Variants in COL7A1 observed in about 807,000 individuals in gnomAD.
COL7A1 encodes the protein collagen type VII alpha 1 chain.
In COL7A1, 296 loss-of-function variants were observed where a neutral mutation model predicts 456.2. The ratio of observed to expected loss-of-function variants is 0.65; its 90% CI spans 0.59 to 0.71. The LOEUF is 0.71. COL7A1 is among the 30% of genes least tolerant of loss of function. The probability of loss-of-function intolerance (pLI) is 0.00; values close to 1 mark genes in which losing one functional copy is unlikely to be tolerated. For synonymous variants in COL7A1, 1,464 were observed against 1,525.9 expected (o/e 0.96, Z 0.95); for missense variants, 3,441 against 4,017.2 (o/e 0.86, Z 3.88).
chr3:48,565,211 G>C lies in COL7A1; in HGVS notation c.8528-10C>G, dbSNP rs2043548811. 2 of 1,611,244 alleles carry C rather than the reference G, an allele frequency of 1.2e-6. No homozygotes were observed. The highest frequency in any genetic ancestry group is 1.7e-6 in the Non-Finnish European group (2 of 1,178,098). The stretch of plus-strand genomic sequence containing the variant: ...TCAGGGGGTACCCGCTCTGCAGGTA[G>C]GGCAGGGTGTGCTGGGAGCAGTGGC... On this transcript the variant is annotated splice_polypyrimidine_tract_variant and intron_variant, in intron 116 of 118. Transcript: ENST00000681320. The surrounding 1 kb of genome is among the most constrained non-coding windows in gnomAD (Gnocchi z 4.5).
intron 36 of COL7A1, 50 bp from the exon 37 acceptor site, chr3:48,584,425 G>A (rs372565695): frequency 4.2e-5 from 67 of 1,612,604 alleles, no homozygotes; most frequent in South Asian, 6.6e-5. Flanking sequence ...CCTCACTCTC[G>A]CCCCCCTCGT....
At position 48,591,805 on chromosome 3, in the gene COL7A1, T is replaced by C; in HGVS notation, c.1375A>G (p.Lys459Glu). The C allele has an allele frequency of 6.2e-7, 1 of 1,614,156 alleles. No individual in the cohort carries two copies. The highest frequency in any genetic ancestry group is 8.5e-7 in the Non-Finnish European group (1 of 1,180,026). The part of the protein sequence containing the change: ...RRETGLEPPQ[K>E]VVLPSDVTRY... ...GTCACATCAGAGGGCAGTACCACCT[T>C]CTGCGGTGGCTCCAAGCCTGCAAGA... The change falls in exon 12 of 119, where the codon AAG becomes GAG. Residue 459 changes from lysine (K) to glutamate (E), a missense_variant. Lys to Glu is a moderately conservative substitution (Grantham distance 56). Coordinates refer to ENST00000681320, the MANE Select transcript of COL7A1 (RefSeq NM_000094.4). The surrounding 1 kb of genome is among the most constrained non-coding windows in gnomAD (Gnocchi z 7.0).
chr3:48,572,075 G>C lies in COL7A1; in HGVS notation c.7024-30C>G. The C allele has an allele frequency of 2.5e-6, 4 of 1,612,974 alleles. No homozygotes were observed. The highest frequency in any genetic ancestry group is 3.4e-6 in the Non-Finnish European group (4 of 1,179,620). ...ACAGAATGGCAGGTGAGGGGTGTCT[G>C]GACTGAGCCTTCTCTGCTCAGTAGT... On this transcript the variant is annotated intron_variant, in intron 91 of 118. Coordinates refer to ENST00000681320, the MANE Select transcript of COL7A1 (RefSeq NM_000094.4). This position sits in a 1 kb window ranked among gnomAD's most constrained non-coding sequence, Gnocchi z 4.6.
chr3:48,590,867 G>T lies in COL7A1; in HGVS notation c.1637-51C>A. 6.3e-7 allele frequency: 1 copy of T among 1,598,426 alleles called. No homozygotes were observed. Reference sequence around the variant, plus strand: ...GCAGGGGTCAGAAAGAGACAGGGATGTGGGACGATGGCAGTGATGGACAGG... The same window carrying T: ...GCAGGGGTCAGAAAGAGACAGGGATTTGGGACGATGGCAGTGATGGACAGG... On this transcript the variant is annotated intron_variant, in intron 13 of 118. Transcript: ENST00000681320. The surrounding 1 kb of genome is among the most constrained non-coding windows in gnomAD (Gnocchi z 4.6).
In COL7A1 at chr3:48,569,882, T is replaced by C; in HGVS notation, c.7519A>G (p.Lys2507Glu). The change falls in exon 100 of 119, where the codon AAG becomes GAG. Residue 2507 changes from lysine (K) to glutamate (E), a missense_variant and splice_region_variant. By Grantham distance (56) the Lys-to-Glu change is moderately conservative (BLOSUM62 1). Coordinates refer to ENST00000681320, the MANE Select transcript of COL7A1 (RefSeq NM_000094.4). The surrounding 1 kb of genome is among the most constrained non-coding windows in gnomAD (Gnocchi z 4.9). ...CAGGACCTTCCCCACGTTCCTACCTTCTCCCCACGCTCTCCCCTGCTGCCA... is the reference window on the plus strand; with the variant it reads ...CAGGACCTTCCCCACGTTCCTACCTCCTCCCCACGCTCTCCCCTGCTGCCA... ...PPGSRGERGE[K>E]GDVGSAGLKG... is the part of the protein sequence containing the mutation. 1 of 1,613,960 alleles carries C rather than the reference T, an allele frequency of 6.2e-7. No homozygotes were observed. The highest frequency in any genetic ancestry group is 8.5e-7 in the Non-Finnish European group (1 of 1,179,964).
chr3:48,585,498 A>G lies in COL7A1; in HGVS notation c.3894+59T>C. 1.3e-6 allele frequency: 2 copies of G among 1,574,398 alleles called. No individual in the cohort carries two copies. The highest frequency in any genetic ancestry group is 1.1e-5 in the South Asian group (1 of 90,348). On this transcript the variant is annotated intron_variant, in intron 32 of 118. Coordinates refer to ENST00000681320, the MANE Select transcript of COL7A1 (RefSeq NM_000094.4). The surrounding 1 kb of genome is among the most constrained non-coding windows in gnomAD (Gnocchi z 4.5). ...TCTGCTTCTTCCTTCTCTCTTGTAAAAACCCCGAGACAGCTTTGAGGAGTG... is the reference window on the plus strand; with the variant it reads ...TCTGCTTCTTCCTTCTCTCTTGTAAGAACCCCGAGACAGCTTTGAGGAGTG...
intron 35 of COL7A1, 54 bp from the exon 36 acceptor site, chr3:48,584,610 G>A (rs1560244183): frequency 6.2e-7 from 1 of 1,612,592 alleles, no homozygotes; most frequent in East Asian, 2.2e-5. Flanking sequence ...CCTTGAGCTG[G>A]AAGAAGCCCC....
chr3:48,587,910 G>T lies in COL7A1; in HGVS notation c.2740C>A (p.Pro914Thr). 6.2e-7 allele frequency: 1 copy of T among 1,604,340 alleles called. No individual in the cohort carries two copies. The change falls in exon 22 of 119, where the codon CCC becomes ACC. Residue 914 changes from proline (P) to threonine (T), a missense_variant. By Grantham distance (38) the Pro-to-Thr change is conservative. Transcript: ENST00000681320. This position sits in a 1 kb window ranked among gnomAD's most constrained non-coding sequence, Gnocchi z 6.1. ...TCCAGGTGATAGCTGCTGAGCTCGG[G>T]CCCCAGGACCCGGGACTGTTCCTGG... is the stretch of plus-strand genomic sequence containing the variant. ...GGQEQSRVLGPELSSYHLDGL... is the reference protein window; with the variant it reads ...GGQEQSRVLGTELSSYHLDGL...
Position 48,576,274 on chromosome 3 carries a change from A to G in COL7A1, c.5795T>C (p.Leu1932Pro). ...CGGCACACTTCCAGGCTCTCCTCGC[A>G]GGCCACGCTCTCCAGGGAGGCCCTG... ...GEQGLPGERG[L>P]RGEPGSVPNV... The change falls in exon 71 of 119, where the codon CTG (leucine) becomes CCG (proline). Residue 1932 changes from leucine to proline, a missense_variant. This residue lies in a region of COL7A1 where 2,084 missense variants were observed against 2,501.3 expected (regional missense o/e 0.83). Transcript: ENST00000681320. 6.2e-7 allele frequency: 1 copy of G among 1,613,816 alleles called. No homozygotes were observed. The highest frequency in any genetic ancestry group is 8.5e-7 in the Non-Finnish European group (1 of 1,179,998).
rs2045948027 is a variant in COL7A1, at chr3:48,594,659, T to C, written c.86-111A>G. On this transcript the variant is annotated intron_variant, in intron 2 of 118. Coordinates refer to ENST00000681320, the MANE Select transcript of COL7A1 (RefSeq NM_000094.4). The surrounding 1 kb of genome is among the most constrained non-coding windows in gnomAD (Gnocchi z 5.5). ...GGTGGGGAGAGTAGGCCTCATCTTA[T>C]GCAAACCAGGGCCGAATCGGCCTGA... 2 of 1,330,268 alleles carry C rather than the reference T, an allele frequency of 1.5e-6. No individual in the cohort carries two copies. The highest frequency in any genetic ancestry group is 1.0e-6 in the Non-Finnish European group (1 of 970,036). The allele number at this position is 1,330,268 out of a possible 1,614,324, so 82.4% of individuals were successfully genotyped here.
At position 48,580,352 on chromosome 3, in the gene COL7A1, A is replaced by T. The variant is rs2044656680; in HGVS notation, c.5053-8T>A. ...AGATGATCCAGGGCTGCCCTGCAGAAAGGCAGGGGTCAGGGCCACTCAAGG... is the reference window on the plus strand; with the variant it reads ...AGATGATCCAGGGCTGCCCTGCAGATAGGCAGGGGTCAGGGCCACTCAAGG... On this transcript the variant is annotated splice_region_variant and splice_polypyrimidine_tract_variant and intron_variant, in intron 55 of 118. Coordinates refer to ENST00000681320, the MANE Select transcript of COL7A1 (RefSeq NM_000094.4). The surrounding 1 kb of genome is among the most constrained non-coding windows in gnomAD (Gnocchi z 4.5). 6.2e-7 allele frequency: 1 copy of T among 1,608,658 alleles called. No individual in the cohort carries two copies. Among genetic ancestry groups the T allele is most frequent in the South Asian group, 1.1e-5 (1 of 90,150 alleles).
In COL7A1 at chr3:48,564,620, A is replaced by G. The variant is rs111608544; in HGVS notation, c.8818+163T>C. The G allele has an allele frequency of 2.3e-3, 2,394 of 1,028,996 alleles. 17 individuals are homozygous for G. The Middle Eastern group carries it at 0.043, about 18-fold the overall frequency. 63.7% of individuals were successfully genotyped at this position (1,028,996 alleles called of 1,614,324 possible). A position where few individuals can be genotyped will look rare whatever the true frequency, so the allele number is the denominator to read the frequency against. ...CTGGGGGCTCCACGGCTGGGGCTCT[A>G]TATTCAGCTCTTTGGTCTGGGCGTC... On this transcript the variant is annotated intron_variant, in intron 118 of 118. Transcript: ENST00000681320. This position sits in a 1 kb window ranked among gnomAD's most constrained non-coding sequence, Gnocchi z 6.0.
At chr3:48,589,296 T>C (rs201142036) in intron 18 of COL7A1, 31 bp downstream of exon 18, 1 of 1,611,324 alleles carries the variant, frequency 6.2e-7, no homozygotes, top group East Asian at 2.2e-5. Flanking sequence ...GCTAATGCGG[T>C]GTGGCTAGTA....
Position 48,585,703 on chromosome 3 carries a change from T to C in COL7A1, c.3818A>G (p.Asp1273Gly), listed in dbSNP as rs200051107. 11 of 1,613,654 alleles carry C rather than the reference T, an allele frequency of 6.8e-6. No homozygotes were observed. Among genetic ancestry groups the C allele is most frequent in the Non-Finnish European group, 9.3e-6 (11 of 1,179,948 alleles). The change falls in exon 31 of 119, where the codon GAC (aspartate) becomes GGC (glycine). Residue 1273 changes from aspartate (D) to glycine (G), a missense_variant. By Grantham distance (94) the Asp-to-Gly change is moderately conservative. Coordinates refer to ENST00000681320, the MANE Select transcript of COL7A1 (RefSeq NM_000094.4). This position sits in a 1 kb window ranked among gnomAD's most constrained non-coding sequence, Gnocchi z 4.5. ...GGGGACACTCACCGGGAGGCCAGGGTCGCCAGGAGGCCCAACTTGTCCTCT... is the reference window on the plus strand; with the variant it reads ...GGGGACACTCACCGGGAGGCCAGGGCCGCCAGGAGGCCCAACTTGTCCTCT... ...GLRGQVGPPGDPGLPGRTGAP... is the reference protein window; with the variant it reads ...GLRGQVGPPGGPGLPGRTGAP...
chr3:48,564,428 G>C lies in COL7A1; in HGVS notation c.8819-6C>G. 3.7e-6 allele frequency: 6 copies of C among 1,614,056 alleles called. No individual in the cohort carries two copies. Among genetic ancestry groups the C allele is most frequent in the Non-Finnish European group, 5.1e-6 (6 of 1,179,952 alleles). On this transcript the variant is annotated splice_polypyrimidine_tract_variant and splice_region_variant and intron_variant, in intron 118 of 118. Coordinates refer to ENST00000681320, the MANE Select transcript of COL7A1 (RefSeq NM_000094.4). This position sits in a 1 kb window ranked among gnomAD's most constrained non-coding sequence, Gnocchi z 6.0. ...GCCTCAGTCCTGGGCAGTACCTGGT[G>C]AGGACAGGTTGGAAACGGTCGTCAG...
At position 48,567,122 on chromosome 3, in the gene COL7A1, ACTCACCCG is replaced by A; in HGVS notation, c.8107_8109+5del. 6.2e-7 allele frequency: 1 copy of A among 1,613,524 alleles called. No homozygotes were observed. Among genetic ancestry groups the A allele is most frequent in the Non-Finnish European group, 8.5e-7 (1 of 1,179,818 alleles). ...TCAATTCACCATGACCATGGCTTCAACTCACCCGCTCCCCTTTCTCGCCCTGGTCACCC... is the reference window on the plus strand; with the variant it reads ...TCAATTCACCATGACCATGGCTTCAACTCCCCTTTCTCGCCCTGGTCACCC... On this transcript the variant is annotated splice_donor_variant and splice_donor_5th_base_variant and coding_sequence_variant and intron_variant, in exon 110 of 119. Coordinates refer to ENST00000681320, the MANE Select transcript of COL7A1 (RefSeq NM_000094.4). LOFTEE classifies it high-confidence loss of function. This position sits in a 1 kb window ranked among gnomAD's most constrained non-coding sequence, Gnocchi z 4.3.
At position 48,594,326 on chromosome 3, in the gene COL7A1, G is replaced by A; in HGVS notation, c.266+42C>T. ...CTCCCTCTCTGGGGAAGGAGTCTTGGTGGGGATCTCGTGGTCCCCAGCCCC... is the reference window on the plus strand; with the variant it reads ...CTCCCTCTCTGGGGAAGGAGTCTTGATGGGGATCTCGTGGTCCCCAGCCCC... On this transcript the variant is annotated intron_variant, in intron 3 of 118. Coordinates refer to ENST00000681320, the MANE Select transcript of COL7A1 (RefSeq NM_000094.4). This position sits in a 1 kb window ranked among gnomAD's most constrained non-coding sequence, Gnocchi z 5.5. 2 of 1,596,586 alleles carry A rather than the reference G, an allele frequency of 1.3e-6. No homozygotes were observed. The highest frequency in any genetic ancestry group is 1.7e-6 in the Non-Finnish European group (2 of 1,172,918).
Position 48,578,395 on chromosome 3 carries a change from G to C in COL7A1, c.5488-30C>G, listed in dbSNP as rs780701065. On this transcript the variant is annotated intron_variant, in intron 64 of 118. Transcript: ENST00000681320. This position sits in a 1 kb window ranked among gnomAD's most constrained non-coding sequence, Gnocchi z 4.7. ...GGGAACAGATCACTGGTTGGATGTC[G>C]GGGATCGGGTGAGGGTAGTAAGGGG... The C allele has an allele frequency of 3.1e-6, 5 of 1,613,440 alleles. No homozygotes were observed. The highest frequency in any genetic ancestry group is 2.2e-5 in the East Asian group (1 of 44,896).
In COL7A1 at chr3:48,594,171, T is replaced by C. The variant is rs1252653614; in HGVS notation, c.266+197A>G. Among the ~76,000 whole-genome samples the C allele has an allele frequency of 6.6e-6, 1 of 152,174 alleles. No individual in the cohort carries two copies. The highest frequency in any genetic ancestry group is 1.5e-5 in the Non-Finnish European group (1 of 68,020). On this transcript the variant is annotated intron_variant, in intron 3 of 118. Transcript: ENST00000681320. This position sits in a 1 kb window ranked among gnomAD's most constrained non-coding sequence, Gnocchi z 5.5. ...TTCCTGTCTTGCAGTAGCCTGGAGG[T>C]GCCTCAGGGCACGAAGGTTCTACCT...
Sources: gnomAD v4.1 joint callset for allele counts (sites outside exome capture counted in the v4.1 genomes callset) on GRCh38, gnomAD v4.1.1 for gene constraint, gnomAD v4.1.1 regional missense constraint, Gnocchi (gnomAD v3.1) non-coding constraint, MANE v1.5 for transcripts, NCBI Gene and HGNC (gene_info 2026-07-23, HGNC 2026-07-21) for gene names.